PDE4D: variants seen among roughly 807,000 people sequenced by gnomAD.
The protein encoded by PDE4D is 3',5'-cyclic-AMP phosphodiesterase 4D.
A neutral mutation model predicts 87.4 loss-of-function variants in PDE4D; 24 were observed. The observed-to-expected ratio is 0.27, with a 90% confidence interval of 0.20 to 0.39. The LOEUF (loss-of-function observed/expected upper bound fraction) is 0.39, where lower values mean the gene tolerates loss of function less well. Ranked by LOEUF, PDE4D falls within the 10% of genes least tolerant of loss-of-function variation. The pLI, the probability that PDE4D is intolerant of heterozygous loss-of-function variation, is 1.00. For synonymous variants in PDE4D, 384 were observed against 383.2 expected (o/e 1.00, Z -0.02); for missense variants, 714 against 1,041.0 (o/e 0.69, Z 4.32).
At chr5:59,327,978 A>G (rs555226566) in intron 1 of PDE4D, among the ~76,000 whole-genome samples, 4 of 152,322 alleles carry the variant, frequency 2.6e-5, no homozygotes, top group Admixed American at 1.3e-4. Flanking sequence ...CAAATGTTCT[A>G]TAAGTGTATT....
chr5:59,234,328 T>C (rs1321572651), intron 1 of PDE4D, among the ~76,000 whole-genome samples: 8 of 152,194 alleles, frequency 5.3e-5, no homozygotes, highest in Non-Finnish European at 2.9e-5. Flanking sequence ...TTGGCTCCCA[T>C]TTTATTTCCC....
At chr5:59,238,391 A>G (rs1756940513) in intron 1 of PDE4D, among the ~76,000 whole-genome samples, 1 of 152,230 alleles carries the variant, frequency 6.6e-6, no homozygotes, top group Non-Finnish European at 1.5e-5. Context: ...AACAGTAATT[A>G]GATGAGCATT....
At chr5:60,309,889 C>G (rs1392582594) in intron 1 of PDE4D, among the ~76,000 whole-genome samples, 1 of 152,162 alleles carries the variant, frequency 6.6e-6, no homozygotes, top group African/African-American at 2.4e-5. Flanking sequence ...GACATGTGGA[C>G]TAGTTAACAT....
At chr5:59,322,838 A>G (rs913590375) in intron 1 of PDE4D, among the ~76,000 whole-genome samples, 6 of 152,132 alleles carry the variant, frequency 3.9e-5, no homozygotes, top group African/African-American at 1.4e-4. Flanking sequence ...AAGGAGAAAC[A>G]TGAAGAACAA....
chr5:58,988,514 T>C lies in PDE4D; in HGVS notation c.1531A>G (p.Asn511Asp). ...IHDVDHPGVSNQFLINTNSEL... is the reference protein window; with the variant it reads ...IHDVDHPGVSDQFLINTNSEL... ...TTACTTGTATTGATCAGAAATTGAT[T>C]GGACACACCAGGATGATCTACATCA... The change falls in exon 11 of 15, where the codon AAT becomes GAT. Residue 511 changes from asparagine (N) to aspartate (D), a missense_variant. Physicochemically the swap from Asn to Asp is conservative, Grantham distance 23 (BLOSUM62 1). Transcript: ENST00000340635. 1 of 1,476,848 alleles carries C rather than the reference T, an allele frequency of 6.8e-7. No homozygotes were observed. The highest frequency in any genetic ancestry group is 9.1e-7 in the Non-Finnish European group (1 of 1,097,286). The allele number at this position is 1,476,848 out of a possible 1,614,324, so 91.5% of individuals were successfully genotyped here.
chr5:59,954,004 C>G (rs751611832), intron 3 of PDE4D, among the ~76,000 whole-genome samples: 5 of 152,196 alleles, frequency 3.3e-5, no homozygotes, highest in Non-Finnish European at 5.9e-5. Flanking sequence ...CAGCTCACTG[C>G]AACCTCTGCC....
intron 1 of PDE4D, among the ~76,000 whole-genome samples, chr5:59,764,212 T>C (rs928355424): frequency 2.0e-5 from 3 of 152,102 alleles, no homozygotes; most frequent in East Asian, 3.9e-4. Flanking sequence ...AATTTAAACA[T>C]GATCCTAAAG....
chr5:60,044,834 T>C (rs1222418826), intron 2 of PDE4D, among the ~76,000 whole-genome samples: 18 of 152,304 alleles, frequency 1.2e-4, no homozygotes, highest in Admixed American at 3.9e-4. Flanking sequence ...TACGTGTGCA[T>C]GTGTCTTTAT....
chr5:60,006,683 T>C (rs1014384067), intron 2 of PDE4D, among the ~76,000 whole-genome samples: 1 of 152,136 alleles, frequency 6.6e-6, no homozygotes, highest in Non-Finnish European at 1.5e-5. Context: ...TGCTCCATAA[T>C]AGAAATTTTT....
chr5:59,148,773 G>GTA (rs1369054601), intron 5 of PDE4D, among the ~76,000 whole-genome samples: 2 of 151,664 alleles, frequency 1.3e-5, no homozygotes, highest in Non-Finnish European at 2.9e-5. Context: ...GTGTGTGTGT[G>GTA]TGTGTGTGTG....
intron 1 of PDE4D, among the ~76,000 whole-genome samples, chr5:60,337,399 A>ACACACC (rs1757904527): frequency 7.0e-6 from 1 of 142,020 alleles, no homozygotes. Flanking sequence ...ACACACACAC[A>ACACACC]CACACACATA....
At chr5:60,337,145 C>A (rs571132758) in intron 1 of PDE4D, among the ~76,000 whole-genome samples, 2 of 141,438 alleles carry the variant, frequency 1.4e-5, no homozygotes, top group Non-Finnish European at 3.0e-5. Flanking sequence ...CATGGTGAAC[C>A]CTGTCTCTAC....
intron 2 of PDE4D, among the ~76,000 whole-genome samples, chr5:60,084,455 G>A (rs1582571842): frequency 6.6e-6 from 1 of 152,042 alleles, no homozygotes; most frequent in South Asian, 2.1e-4. Context: ...AGAAATATGG[G>A]CCTGTTTGAG....
intron 1 of PDE4D, among the ~76,000 whole-genome samples, chr5:59,849,631 G>A (rs912788026): frequency 6.9e-6 from 1 of 145,938 alleles, no homozygotes; most frequent in Non-Finnish European, 1.5e-5. Context: ...CCATCAGTGA[G>A]TTTTTTTTTT....
At chr5:60,216,828 T>C (rs1217617209) in intron 1 of PDE4D, among the ~76,000 whole-genome samples, 2 of 152,068 alleles carry the variant, frequency 1.3e-5, no homozygotes, top group African/African-American at 4.8e-5. Flanking sequence ...AAATAGACAG[T>C]TCTATAATAA....
At chr5:59,895,898 T>A (rs780966088), upstream of PDE4D, among the ~76,000 whole-genome samples, 6 of 152,354 alleles carry the variant, frequency 3.9e-5, no homozygotes, top group Middle Eastern at 3.4e-3. Flanking sequence ...GAAAACTTTA[T>A]CTTTTATATA....
intron 1 of PDE4D, among the ~76,000 whole-genome samples, chr5:59,700,133 T>C (rs1473615868): frequency 6.6e-6 from 1 of 152,188 alleles, no homozygotes; most frequent in Non-Finnish European, 1.5e-5. Context: ...TAGGAATATC[T>C]AGAAAACCAA....
chr5:59,994,951 C>T (rs1381102984), intron 2 of PDE4D, among the ~76,000 whole-genome samples: 4 of 152,232 alleles, frequency 2.6e-5, no homozygotes, highest in Middle Eastern at 6.8e-3. Context: ...ATGAATTAGG[C>T]ACCTCCTTTT....
intron 1 of PDE4D, among the ~76,000 whole-genome samples, chr5:59,482,921 G>A (rs115096974): frequency 0.02 from 3,115 of 152,216 alleles, 125 homozygotes; most frequent in African/African-American, 0.071. Flanking sequence ...TCTGGGGTAT[G>A]TGTGTGAGGG....
Sources: allele counts gnomAD v4.1 joint callset (sites outside exome capture counted in the v4.1 genomes callset), GRCh38; gene constraint gnomAD v4.1.1; transcripts MANE v1.5; gene names NCBI Gene and HGNC (gene_info 2026-07-23, HGNC 2026-07-21).